The following SLC24A2 variants were observed in gnomAD, a reference collection of about 807,000 sequenced individuals.
The protein encoded by SLC24A2 is solute carrier family 24 member 2, also known as sodium/potassium/calcium exchanger 2.
In SLC24A2, 36 loss-of-function variants were observed where a neutral mutation model predicts 62.0. The ratio of observed to expected loss-of-function variants is 0.58; its 90% CI spans 0.44 to 0.77. The LOEUF is 0.77. Among genes scored for constraint, SLC24A2 ranks in the 30% least tolerant of loss-of-function variants. SLC24A2 has a pLI of 0.00. For missense variants in SLC24A2, 846 were observed against 817.9 expected (o/e 1.03, Z -0.42); for synonymous variants, 358 against 294.0 (o/e 1.22, Z -2.23).
chr9:19,760,637 T>C (rs991330935), intron 2 of SLC24A2, among the ~76,000 whole-genome samples: 2 of 151,792 alleles, frequency 1.3e-5, no homozygotes, highest in African/African-American at 4.8e-5. Flanking sequence ...TGTTCTGGTG[T>C]TAGTTTGCTG....
the SLC24A2 span, among the ~76,000 whole-genome samples, chr9:20,301,994 T>C: frequency 3.3e-5 from 5 of 152,224 alleles, no homozygotes; most frequent in African/African-American, 7.2e-5. Context: ...GTTGGAATCA[T>C]ACACTATATA....
intron 5 of SLC24A2, among the ~76,000 whole-genome samples, chr9:19,577,290 A>G (rs756254655): frequency 7.2e-6 from 1 of 139,562 alleles, no homozygotes; most frequent in Non-Finnish European, 1.6e-5. Context: ...AAGCTTCCCT[A>G]CTGCTGAGAT....
chr9:20,245,056 T>C, the SLC24A2 span, among the ~76,000 whole-genome samples: 1 of 152,146 alleles, frequency 6.6e-6, no homozygotes, highest in African/African-American at 2.4e-5. Context: ...CATGAGAATA[T>C]GTCATAATGG....
At chr9:19,994,191 C>G in the SLC24A2 span, among the ~76,000 whole-genome samples, 1 of 152,106 alleles carries the variant, frequency 6.6e-6, no homozygotes, top group Non-Finnish European at 1.5e-5. Context: ...CAATCTCCTT[C>G]GTCAGGGAAA....
At chr9:19,846,396 A>G in the SLC24A2 span, among the ~76,000 whole-genome samples, 2 of 152,120 alleles carry the variant, frequency 1.3e-5, no homozygotes, top group African/African-American at 4.8e-5. Context: ...GCTTTAACTG[A>G]TACAATAATA....
At chr9:19,559,156 A>G (rs1457539885) in intron 7 of SLC24A2, among the ~76,000 whole-genome samples, 1 of 152,236 alleles carries the variant, frequency 6.6e-6, no homozygotes. Flanking sequence ...ATTAAAGTAA[A>G]TATTTAGAAA....
the SLC24A2 span, among the ~76,000 whole-genome samples, chr9:20,044,554 T>C: frequency 1.3e-5 from 2 of 152,124 alleles, no homozygotes; most frequent in Non-Finnish European, 2.9e-5. Context: ...CCAGGATATC[T>C]AGGTGGAAGA....
chr9:19,910,820 G>T, the SLC24A2 span, among the ~76,000 whole-genome samples: 1 of 151,702 alleles, frequency 6.6e-6, no homozygotes, highest in African/African-American at 2.4e-5. Flanking sequence ...TCCTCTATGC[G>T]TCCATAGTAG....
At chr9:20,299,046 C>A in the SLC24A2 span, among the ~76,000 whole-genome samples, 1 of 152,080 alleles carries the variant, frequency 6.6e-6, no homozygotes, top group Non-Finnish European at 1.5e-5. Flanking sequence ...GAGTCATTCC[C>A]CAAATAAAGC....
the SLC24A2 span, among the ~76,000 whole-genome samples, chr9:20,153,351 C>T: frequency 1.6e-4 from 25 of 151,944 alleles, no homozygotes; most frequent in South Asian, 1.5e-3. Context: ...AACCAAACAA[C>T]TCCCTGCTGG....
the SLC24A2 span, among the ~76,000 whole-genome samples, chr9:20,012,810 CA>C: frequency 6.6e-6 from 1 of 150,786 alleles, no homozygotes; most frequent in East Asian, 2.0e-4. Context: ...ACAATAGCAA[CA>C]AAAAATTAAA....
the SLC24A2 span, among the ~76,000 whole-genome samples, chr9:20,279,112 A>C: frequency 6.6e-6 from 1 of 152,198 alleles, no homozygotes; most frequent in African/African-American, 2.4e-5. Context: ...CATGAAAAAA[A>C]ACCTATCCCC....
intron 8 of SLC24A2, among the ~76,000 whole-genome samples, chr9:19,533,472 G>C (rs937744908): frequency 3.3e-5 from 5 of 152,200 alleles, no homozygotes; most frequent in Admixed American, 3.3e-4. Context: ...TTGACCAAAA[G>C]AATGTATTGG....
chr9:20,021,498 G>A, the SLC24A2 span, among the ~76,000 whole-genome samples: 2 of 151,960 alleles, frequency 1.3e-5, no homozygotes, highest in South Asian at 2.1e-4. Flanking sequence ...CCAGGAGAAC[G>A]AGTTCTGGAT....
At chr9:19,679,440 G>A (rs1485250182) in intron 2 of SLC24A2, among the ~76,000 whole-genome samples, 1 of 152,116 alleles carries the variant, frequency 6.6e-6, no homozygotes, top group Non-Finnish European at 1.5e-5. Context: ...TGATGGTTAA[G>A]TTTCTGTGTC....
chr9:19,724,076 C>G (rs1295425847), intron 2 of SLC24A2, among the ~76,000 whole-genome samples: 1 of 152,134 alleles, frequency 6.6e-6, no homozygotes, highest in Non-Finnish European at 1.5e-5. Flanking sequence ...TTGCCATAAT[C>G]TCATAATTTA....
At chr9:20,141,465 G>A in the SLC24A2 span, among the ~76,000 whole-genome samples, 3 of 151,938 alleles carry the variant, frequency 2.0e-5, no homozygotes, top group Non-Finnish European at 4.4e-5. Flanking sequence ...AACTCTCTTG[G>A]CTTGGTCTCA....
chr9:19,708,404 A>G (rs981285014), intron 2 of SLC24A2, among the ~76,000 whole-genome samples: 17 of 152,166 alleles, frequency 1.1e-4, no homozygotes, highest in African/African-American at 3.6e-4. Context: ...GGAAAAAACT[A>G]CTTTAAAGTT....
At chr9:19,740,737 G>A (rs10964261) in intron 2 of SLC24A2, among the ~76,000 whole-genome samples, 2,409 of 152,212 alleles carry the variant, frequency 0.016, 32 homozygotes, top group Non-Finnish European at 0.027. Context: ...ATAGGGAGGA[G>A]GTATGGGGGC....
Sources: allele counts gnomAD v4.1 joint callset (sites outside exome capture counted in the v4.1 genomes callset), GRCh38; gene constraint gnomAD v4.1.1; transcripts MANE v1.5; gene names NCBI Gene and HGNC (gene_info 2026-07-23, HGNC 2026-07-21).